Variants in SLC39A14 observed in about 807,000 individuals in gnomAD.
SLC39A14 encodes the protein solute carrier family 39 member 14, also known as metal cation symporter ZIP14.
SLC39A14 carries 19 observed loss-of-function variants against 45.5 expected under a neutral mutation model. That is an observed-to-expected ratio of 0.42 (90% confidence interval 0.29 to 0.61). SLC39A14 has a LOEUF of 0.61. SLC39A14 is among the 20% of genes least tolerant of loss of function. The pLI, the probability that SLC39A14 is intolerant of heterozygous loss-of-function variation, is 0.22. For synonymous variants in SLC39A14, 264 were observed against 251.3 expected (o/e 1.05, Z -0.48); for missense variants, 447 against 616.5 (o/e 0.73, Z 2.91).
chr8:22,416,328 T>G, intron 7 of SLC39A14, 48 bp downstream of exon 7: 1 of 1,529,420 alleles, frequency 6.5e-7, no homozygotes, highest in Non-Finnish European at 9.0e-7. Context: ...GGTGGTGGTG[T>G]AGGCCCCCTT....
In SLC39A14 at chr8:22,390,151, G is replaced by A. The variant is rs1371226120; in HGVS notation, c.-15-14545G>A. The A allele has an allele frequency of 3.6e-5, 6 of 168,710 alleles. No individual in the cohort carries two copies. The East Asian group carries it at 5.1e-4, about 14-fold the overall frequency. 10.5% of individuals were successfully genotyped at this position (168,710 alleles called of 1,614,324 possible). A position where few individuals can be genotyped will look rare whatever the true frequency, so the allele number is the denominator to read the frequency against. On this transcript the variant is annotated intron_variant, in intron 1 of 8. Coordinates refer to ENST00000381237, the MANE Select transcript of SLC39A14 (RefSeq NM_001128431.4). ...CAGCATGGTGGGGAACACTGCAGAC[G>A]CCTCTGGTTTTGCCATGGTAACATC...
rs1836136918 is a variant in SLC39A14 at position 22,420,037 on chromosome 8, C to T, written c.*339C>T. 9.7e-7 allele frequency: 1 copy of T among 1,028,500 alleles called. No homozygotes were observed. The highest frequency in any genetic ancestry group is 1.7e-5 in the African/African-American group (1 of 58,874). The allele number at this position is 1,028,500 out of a possible 1,614,324, so 63.7% of individuals were successfully genotyped here. On this transcript the variant is annotated 3_prime_UTR_variant, in exon 9 of 9. Transcript: ENST00000381237. ...AACCAGTGCTGAAAGGTTTTGAATC[C>T]TTTACCCAACAATGCAAAAATAGAG...
At chr8:22,397,186 A>C (rs531172837) in intron 1 of SLC39A14, among the ~76,000 whole-genome samples, 1 of 152,274 alleles carries the variant, frequency 6.6e-6, no homozygotes, top group African/African-American at 2.4e-5. Flanking sequence ...TGGGCTTCAG[A>C]TTCACGTCCG....
At chr8:22,387,595 C>G (rs981891714) in intron 1 of SLC39A14, among the ~76,000 whole-genome samples, 1 of 152,178 alleles carries the variant, frequency 6.6e-6, no homozygotes, top group Non-Finnish European at 1.5e-5. Flanking sequence ...TGCCACCATA[C>G]CCCCTGCCTT....
chr8:22,379,189 CAT>C (rs1316722182), intron 1 of SLC39A14, among the ~76,000 whole-genome samples: 1 of 152,180 alleles, frequency 6.6e-6, no homozygotes, highest in African/African-American at 2.4e-5. Context: ...CTTATAAAGA[CAT>C]AGGTCATTGG....
chr8:22,387,820 G>A (rs958254486), intron 1 of SLC39A14, among the ~76,000 whole-genome samples: 5 of 151,928 alleles, frequency 3.3e-5, no homozygotes, highest in South Asian at 2.1e-4. Flanking sequence ...ACCTGTAGCC[G>A]GGAGCATTGG....
intron 8 of SLC39A14, among the ~76,000 whole-genome samples, chr8:22,428,124 C>T (rs1215238162): frequency 6.6e-6 from 1 of 151,800 alleles, no homozygotes; most frequent in Admixed American, 6.6e-5. Flanking sequence ...CATGGGGAAA[C>T]CCCTGTCTAC....
chr8:22,368,303 C>G lies in SLC39A14; in HGVS notation c.-16+895C>G, dbSNP rs533639274. On this transcript the variant is annotated intron_variant, in intron 1 of 8. Transcript: ENST00000381237. ...TGGGTTTACGTCTTTAGTGGCTCTC[C>G]CCTAGGAGCCCCAGGCCATTGGGAC... 5.8e-3 allele frequency among the ~76,000 whole-genome samples: 880 copies of G among 152,082 alleles called. 3 individuals carry two copies. Among genetic ancestry groups the G allele is most frequent in the Non-Finnish European group, 7.7e-3 (522 of 67,988 alleles).
At chr8:22,384,129 C>T (rs1210447531) in intron 1 of SLC39A14, among the ~76,000 whole-genome samples, 1 of 152,126 alleles carries the variant, frequency 6.6e-6, no homozygotes, top group Non-Finnish European at 1.5e-5. Flanking sequence ...CTGGCCAGCT[C>T]CCGGCTGTGG....
chr8:22,394,575 G>A (rs7839204), intron 1 of SLC39A14, among the ~76,000 whole-genome samples: 1 of 150,280 alleles, frequency 6.7e-6, no homozygotes, highest in African/African-American at 2.4e-5. Context: ...CGCCTCGGCC[G>A]CCCAAAGTGC....
At chr8:22,423,461 G>A (rs570336217), downstream of SLC39A14, among the ~76,000 whole-genome samples, 5 of 151,536 alleles carry the variant, frequency 3.3e-5, no homozygotes, top group South Asian at 2.1e-4. Flanking sequence ...TCAGCCTCCC[G>A]AGTAGCTGGG....
chr8:22,411,665 G>A (rs1263379973), intron 3 of SLC39A14, among the ~76,000 whole-genome samples: 2 of 152,206 alleles, frequency 1.3e-5, no homozygotes, highest in Non-Finnish European at 2.9e-5. Flanking sequence ...GGTCTGGGCA[G>A]ACCTTGGGTG....
rs574959721 is a variant in SLC39A14, at chr8:22,394,357, C to T, written c.-15-10339C>T. Among the ~76,000 whole-genome samples, 5 of 140,828 alleles carry T rather than the reference C, an allele frequency of 3.6e-5. No individual in the cohort carries two copies. The East Asian group carries it at 1.1e-3, about 30-fold the overall frequency. 92.4% of individuals were successfully genotyped at this position (140,828 alleles called of 152,430 possible). A position where few individuals can be genotyped will look rare whatever the true frequency, so the allele number is the denominator to read the frequency against. On this transcript the variant is annotated intron_variant, in intron 1 of 8. Coordinates refer to ENST00000381237, the MANE Select transcript of SLC39A14 (RefSeq NM_001128431.4). Reference sequence around the variant, plus strand: ...TTTTTTTTTTTGAGTTGGAATCTCGCTCTGTCACCCAGGCTGGAGTGCAGT... The same window carrying T: ...TTTTTTTTTTTGAGTTGGAATCTCGTTCTGTCACCCAGGCTGGAGTGCAGT...
intron 1 of SLC39A14, among the ~76,000 whole-genome samples, chr8:22,387,517 A>G (rs1833854541): frequency 6.6e-6 from 1 of 152,210 alleles, no homozygotes; most frequent in Non-Finnish European, 1.5e-5. Context: ...GTGAAAGGGC[A>G]AGTGGAAATA....
intron 2 of SLC39A14, among the ~76,000 whole-genome samples, chr8:22,405,463 A>C (rs992136578): frequency 7.2e-5 from 11 of 152,182 alleles, no homozygotes; most frequent in African/African-American, 2.4e-4. Context: ...CAGTGAGCCA[A>C]GATCGAGCCA....
At chr8:22,396,385 TAG>T (rs71509382) in intron 1 of SLC39A14, among the ~76,000 whole-genome samples, 2 of 32,200 alleles carry the variant, frequency 6.2e-5, no homozygotes, top group Non-Finnish European at 1.0e-4. Context: ...AATAAATAAA[TAG>T]AGAGAGAGAG....
chr8:22,369,028 T>G (rs1832795764), intron 1 of SLC39A14, among the ~76,000 whole-genome samples: 1 of 152,086 alleles, frequency 6.6e-6, no homozygotes, highest in Non-Finnish European at 1.5e-5. Flanking sequence ...ACTTAGCAGC[T>G]GGAATTAAAA....
intron 1 of SLC39A14, among the ~76,000 whole-genome samples, chr8:22,385,207 A>C (rs1283393972): frequency 6.6e-6 from 1 of 152,166 alleles, no homozygotes; most frequent in East Asian, 1.9e-4. Context: ...CCTCTCCCCA[A>C]GGTTGCTTGT....
At chr8:22,378,612 A>C (rs1833337102) in intron 1 of SLC39A14, among the ~76,000 whole-genome samples, 1 of 152,144 alleles carries the variant, frequency 6.6e-6, no homozygotes, top group African/African-American at 2.4e-5. Context: ...CTCATGCTTC[A>C]GCTCTTTTTG....
Sources: allele counts gnomAD v4.1 joint callset (sites outside exome capture counted in the v4.1 genomes callset), GRCh38; gene constraint gnomAD v4.1.1; transcripts MANE v1.5; gene names NCBI Gene and HGNC (gene_info 2026-07-23, HGNC 2026-07-21).